Variants in CSRNP3 observed in about 807,000 individuals in gnomAD.
CSRNP3 encodes cysteine/serine-rich nuclear protein 3.
In CSRNP3, 12 loss-of-function variants were observed where a neutral mutation model predicts 48.0. That is an observed-to-expected ratio of 0.25 (90% CI 0.16 to 0.41). CSRNP3 has a LOEUF of 0.41. Among genes scored for constraint, CSRNP3 ranks in the 10% least tolerant of loss-of-function variants. CSRNP3 has a pLI of 1.00. For missense variants in CSRNP3, 580 were observed against 724.4 expected (o/e 0.80, Z 2.29); for synonymous variants, 263 against 269.7 (o/e 0.98, Z 0.24).
At chr2:165,581,613 T>G (rs1183966866) in intron 3 of CSRNP3, among the ~76,000 whole-genome samples, 1 of 134,068 alleles carries the variant, frequency 7.5e-6, no homozygotes, top group East Asian at 2.5e-4. Flanking sequence ...CTCAGCTCAC[T>G]GCAATCTCTG....
chr2:165,653,972 C>CAAAAAAAAAAAAAAAAAAA (rs71028497), intron 4 of CSRNP3, among the ~76,000 whole-genome samples: 4 of 41,226 alleles, frequency 9.7e-5, no homozygotes, highest in African/African-American at 4.0e-4. Flanking sequence ...AGCTCTATCA[C>CAAAAAAAAAAAAAAAAAAA]AAAAAAAAAA....
chr2:165,525,449 G>T (rs1684719117), intron 3 of CSRNP3, among the ~76,000 whole-genome samples: 1 of 148,884 alleles, frequency 6.7e-6, no homozygotes, highest in Admixed American at 6.7e-5. Flanking sequence ...TGTGGATTAT[G>T]ATTTTGATGT....
At chr2:165,606,186 T>A (rs1196527669) in intron 4 of CSRNP3, among the ~76,000 whole-genome samples, 1 of 150,242 alleles carries the variant, frequency 6.7e-6, no homozygotes, top group Non-Finnish European at 1.5e-5. Context: ...TAGCATGAAC[T>A]GTGAAAATTA....
At chr2:165,578,226 C>T in intron 3 of CSRNP3, among the ~76,000 whole-genome samples, 1 of 151,942 alleles carries the variant, frequency 6.6e-6, no homozygotes, top group South Asian at 2.1e-4. Flanking sequence ...TTAAATTTAC[C>T]ATCTTTCACC....
intron 4 of CSRNP3, among the ~76,000 whole-genome samples, chr2:165,612,278 G>A (rs907205869): frequency 6.6e-6 from 1 of 151,986 alleles, no homozygotes; most frequent in South Asian, 2.1e-4. Context: ...AAAGCAGTGT[G>A]CAAAAGAGTA....
In CSRNP3 at chr2:165,679,111, G is replaced by A; in HGVS notation, c.1116G>A (p.Glu372=). ...QSLAPSESDE[E]EEEEEEEEEE... Reference sequence around the variant, plus strand: ...TGGCACCTAGTGAGTCAGACGAGGAGGAGGAGGAAGAAGAAGAGGAAGAGG... The same window carrying A: ...TGGCACCTAGTGAGTCAGACGAGGAAGAGGAGGAAGAAGAAGAGGAAGAGG... Residue 372 remains glutamate (E), a synonymous_variant, in exon 7 of 7, where the codon GAG becomes GAA. Transcript: ENST00000651982. 1 of 1,613,844 alleles carries A rather than the reference G, an allele frequency of 6.2e-7. No homozygotes were observed. Among genetic ancestry groups the A allele is most frequent in the Non-Finnish European group, 8.5e-7 (1 of 1,179,926 alleles).
chr2:165,599,279 GAGAGAGAAAGAAAGAA>G (rs142439260), intron 4 of CSRNP3, among the ~76,000 whole-genome samples: 23,577 of 73,078 alleles, frequency 0.32, 2,585 homozygotes, highest in East Asian at 0.42. Context: ...AAGAAAGAGA[GAGAGAGAAAGAAAGAA>G]AGAAAGAAAG....
intron 3 of CSRNP3, among the ~76,000 whole-genome samples, chr2:165,538,260 TATTA>T (rs1228647433): frequency 6.6e-6 from 1 of 151,996 alleles, no homozygotes; most frequent in Non-Finnish European, 1.5e-5. Flanking sequence ...CTTTTATTAT[TATTA>T]ATTATTATTA....
chr2:165,604,461 C>G, intron 4 of CSRNP3, among the ~76,000 whole-genome samples: 1 of 152,212 alleles, frequency 6.6e-6, no homozygotes, highest in South Asian at 2.1e-4. Flanking sequence ...GAAATAAATA[C>G]CAATTTACAA....
intron 4 of CSRNP3, among the ~76,000 whole-genome samples, chr2:165,599,102 G>A (rs923744645): frequency 6.6e-6 from 1 of 151,786 alleles, no homozygotes; most frequent in Non-Finnish European, 1.5e-5. Flanking sequence ...GCCAAGTATG[G>A]TGGTGCATGC....
Position 165,677,583 on chromosome 2 carries a change from TAA to T in CSRNP3, c.705+990_705+991del, listed in dbSNP as rs34615804. On this transcript the variant is annotated intron_variant, in intron 6 of 6. Transcript: ENST00000651982. ...ATGGGTTCACAGAAAGATTCATGAGTAAAAAAAAAAAAAAAATACAGATACAA... is the reference window on the plus strand; with the variant it reads ...ATGGGTTCACAGAAAGATTCATGAGTAAAAAAAAAAAAAATACAGATACAA... Among the ~76,000 whole-genome samples, 967 of 144,648 alleles carry T rather than the reference TAA, an allele frequency of 6.7e-3. 12 individuals carry two copies. Among genetic ancestry groups the T allele is most frequent in the African/African-American group, 0.019 (735 of 39,092 alleles). The allele number at this position is 144,648 out of a possible 152,430, so 94.9% of individuals were successfully genotyped here.
In CSRNP3 at chr2:165,678,756, C is replaced by T; in HGVS notation, c.761C>T (p.Ala254Val). The change falls in exon 7 of 7, where the codon GCA becomes GTA. Residue 254 changes from alanine to valine, a missense_variant. Ala to Val is a moderately conservative substitution (Grantham distance 64). Transcript: ENST00000651982. ...GCTKEGCSNTAGRIEFNPIRV... is the reference protein window; with the variant it reads ...GCTKEGCSNTVGRIEFNPIRV... ...ACTAAAGAAGGATGTAGTAACACAG[C>T]AGGTAGAATTGAATTTAATCCTATC... 2 of 1,614,034 alleles carry T rather than the reference C, an allele frequency of 1.2e-6. No homozygotes were observed. Among genetic ancestry groups the T allele is most frequent in the Non-Finnish European group, 1.7e-6 (2 of 1,179,978 alleles).
chr2:165,500,410 CAT>C lies in CSRNP3; in HGVS notation c.-113+5492_-113+5493del, dbSNP rs201256708. 8.2e-3 allele frequency among the ~76,000 whole-genome samples: 1,029 copies of C among 125,330 alleles called. 9 individuals are homozygous for C. Among genetic ancestry groups the C allele is most frequent in the African/African-American group, 0.029 (884 of 30,802 alleles). The allele number at this position is 125,330 out of a possible 152,430, so 82.2% of individuals were successfully genotyped here. ...GTATATATGTATACATATATGTATA[CAT>C]ATATATATACACACACACACACACA... is the stretch of plus-strand genomic sequence containing the variant. On this transcript the variant is annotated intron_variant, in intron 2 of 6. Coordinates refer to ENST00000651982, the MANE Select transcript of CSRNP3 (RefSeq NM_001172173.2).
At position 165,680,727 on chromosome 2, in the gene CSRNP3, A is replaced by T. The variant is rs1214873237; in HGVS notation, c.*974A>T. 6.6e-6 allele frequency: 1 copy of T among 152,272 alleles called. No homozygotes were observed. Among genetic ancestry groups the T allele is most frequent in the Non-Finnish European group, 1.5e-5 (1 of 68,030 alleles). 9.4% of individuals were successfully genotyped at this position (152,272 alleles called of 1,614,324 possible). A position where few individuals can be genotyped will look rare whatever the true frequency, so the allele number is the denominator to read the frequency against. Reference sequence around the variant, plus strand: ...ATTAAAAAGATCTTTAACTATTATAAGGTTCATATAATTAATATAGAGGAA... The same window carrying T: ...ATTAAAAAGATCTTTAACTATTATATGGTTCATATAATTAATATAGAGGAA... On this transcript the variant is annotated 3_prime_UTR_variant, in exon 7 of 7. Transcript: ENST00000651982.
chr2:165,621,221 G>A (rs1267895112), intron 4 of CSRNP3, among the ~76,000 whole-genome samples: 1 of 151,436 alleles, frequency 6.6e-6, no homozygotes, highest in Admixed American at 6.6e-5. Context: ...GACCACAGAT[G>A]TTCTTGGCAG....
intron 4 of CSRNP3, among the ~76,000 whole-genome samples, chr2:165,601,451 C>T (rs895598293): frequency 1.2e-4 from 18 of 152,166 alleles, no homozygotes; most frequent in Admixed American, 6.5e-5. Flanking sequence ...TGAATGCAAG[C>T]AGTGGATGTC....
chr2:165,615,887 GGTTTTTTT>G (rs1686232069), intron 4 of CSRNP3, among the ~76,000 whole-genome samples: 1 of 126,652 alleles, frequency 7.9e-6, no homozygotes, highest in Non-Finnish European at 1.6e-5. Context: ...ATGTTTGTGG[GGTTTTTTT>G]TTTTTTTTTT....
intron 3 of CSRNP3, among the ~76,000 whole-genome samples, chr2:165,533,611 T>C (rs1199505533): frequency 1.3e-5 from 2 of 152,078 alleles, no homozygotes; most frequent in Non-Finnish European, 2.9e-5. Flanking sequence ...CTTCACCCTT[T>C]CTCACAGACC....
In CSRNP3 at chr2:165,679,355, T is replaced by C. The variant is rs1342575509; in HGVS notation, c.1360T>C (p.Tyr454His). 1 of 1,613,720 alleles carries C rather than the reference T, an allele frequency of 6.2e-7. No individual in the cohort carries two copies. The highest frequency in any genetic ancestry group is 8.5e-7 in the Non-Finnish European group (1 of 1,179,884). Residue 454 changes from tyrosine to histidine, a missense_variant, in exon 7 of 7, where the codon TAT (tyrosine) becomes CAT (histidine). Physicochemically the swap from Tyr to His is moderately conservative, Grantham distance 83 (BLOSUM62 2). This residue lies in a region of CSRNP3 where 369 missense variants were observed against 380.8 expected (regional missense o/e 0.97). Transcript: ENST00000651982. ...PGTPNQISEN[Y>H]SERDTVKNGT... is the part of the protein sequence containing the mutation. ...AACTCCAAATCAGATCTCTGAGAACTATTCTGAAAGAGACACTGTCAAAAA... is the reference window on the plus strand; with the variant it reads ...AACTCCAAATCAGATCTCTGAGAACCATTCTGAAAGAGACACTGTCAAAAA...
Sources: gnomAD v4.1 joint callset for allele counts (sites outside exome capture counted in the v4.1 genomes callset) on GRCh38, gnomAD v4.1.1 for gene constraint, gnomAD v4.1.1 regional missense constraint, MANE v1.5 for transcripts, NCBI Gene and HGNC (gene_info 2026-07-23, HGNC 2026-07-21) for gene names.